INPP4A: variants seen among roughly 807,000 people sequenced by gnomAD.
The protein encoded by INPP4A is inositol polyphosphate-4-phosphatase type I A.
A neutral mutation model predicts 119.8 loss-of-function variants in INPP4A; 33 were observed. That is an observed-to-expected ratio of 0.28 (90% CI 0.21 to 0.37). INPP4A has a LOEUF of 0.37. INPP4A is among the 10% of genes least tolerant of loss of function. The probability of loss-of-function intolerance (pLI) is 1.00; values close to 1 mark genes in which losing one functional copy is unlikely to be tolerated. For missense variants in INPP4A, 956 were observed against 1,289.9 expected (o/e 0.74, Z 3.97); for synonymous variants, 496 against 500.7 (o/e 0.99, Z 0.12).
chr2:98,492,852 G>C (rs1681120810), intron 1 of INPP4A, among the ~76,000 whole-genome samples: 1 of 152,216 alleles, frequency 6.6e-6, no homozygotes. Flanking sequence ...GGATCTTGCA[G>C]GCTATTGAGA....
chr2:98,465,869 G>C (rs1293294088), intron 1 of INPP4A, among the ~76,000 whole-genome samples: 1 of 152,106 alleles, frequency 6.6e-6, no homozygotes, highest in Non-Finnish European at 1.5e-5. Flanking sequence ...TACTTGAGCA[G>C]ACGGTGGCTT....
At chr2:98,538,510 C>G (rs1690750832) in intron 8 of INPP4A, among the ~76,000 whole-genome samples, 1 of 152,192 alleles carries the variant, frequency 6.6e-6, no homozygotes, top group Admixed American at 6.5e-5. Flanking sequence ...AATTTCAGAG[C>G]CCTAGCGCTG....
chr2:98,539,857 C>A (rs1229941806), intron 10 of INPP4A, among the ~76,000 whole-genome samples, 182 bp downstream of exon 10: 12 of 152,182 alleles, frequency 7.9e-5, no homozygotes, highest in African/African-American at 2.7e-4. Context: ...ATCATGGATT[C>A]CTGTGCAAGG....
chr2:98,478,034 G>A lies in INPP4A; in HGVS notation c.-166+32949G>A, dbSNP rs551748416. On this transcript the variant is annotated intron_variant, in intron 1 of 24. Transcript: ENST00000409851. ...GGCCTACAACCTACTGTTATTGTGC[G>A]GTGCTGGTCTCCAAACTCCAGGTCT... Among the ~76,000 whole-genome samples the A allele has an allele frequency of 7.2e-5, 11 of 152,324 alleles. No individual in the cohort carries two copies. In the East Asian group the frequency reaches 1.5e-3, roughly 21 times the overall value.
rs548549884 is a variant in INPP4A at position 98,544,047 on chromosome 2, A to G, written c.949+40A>G. The G allele has an allele frequency of 3.3e-3, 1,918 of 575,846 alleles. 1 individual carries two copies. The highest frequency in any genetic ancestry group is 3.7e-3 in the Non-Finnish European group (1,567 of 425,724). 35.7% of individuals were successfully genotyped at this position (575,846 alleles called of 1,614,324 possible). On this transcript the variant is annotated intron_variant, in intron 11 of 24. Coordinates refer to ENST00000409851, the MANE Select transcript of INPP4A (RefSeq NM_001134225.2). ...ATGCTGTCACCACACACGCGTGCGC[A>G]CACACACACACACACACTCTCACTC...
chr2:98,584,842 C>A (rs1053334476), intron 24 of INPP4A, among the ~76,000 whole-genome samples: 1 of 152,174 alleles, frequency 6.6e-6, no homozygotes, highest in Admixed American at 6.5e-5. Context: ...GTCACTAAGG[C>A]CTTTTACTCA....
Position 98,594,084 on chromosome 2 carries a change from C to T in INPP4A, c.*6476C>T, listed in dbSNP as rs1238824839. The T allele has an allele frequency of 6.6e-6, 1 of 152,200 alleles. No homozygotes were observed. Among genetic ancestry groups the T allele is most frequent in the Non-Finnish European group, 1.5e-5 (1 of 68,048 alleles). 9.4% of individuals were successfully genotyped at this position (152,200 alleles called of 1,614,324 possible). A position where few individuals can be genotyped will look rare whatever the true frequency, so the allele number is the denominator to read the frequency against. On this transcript the variant is annotated 3_prime_UTR_variant, in exon 25 of 25. Coordinates refer to ENST00000409851, the MANE Select transcript of INPP4A (RefSeq NM_001134225.2). The stretch of plus-strand genomic sequence containing the variant: ...GAACAAATGGTGGTTTTGTGGTGTT[C>T]AACTGAAATATTTCCTATTTCAGCA...
At chr2:98,522,023 C>G (rs1330450681) in intron 4 of INPP4A, among the ~76,000 whole-genome samples, 1 of 152,110 alleles carries the variant, frequency 6.6e-6, no homozygotes, top group Non-Finnish European at 1.5e-5. Flanking sequence ...CATGGTGGCT[C>G]AATCCTGTAA....
rs1559140514 is a variant in INPP4A at position 98,591,190 on chromosome 2, A to AT, written c.*3583dup. The AT allele has an allele frequency of 5.6e-6, 1 of 178,582 alleles. No individual in the cohort carries two copies. Among genetic ancestry groups the AT allele is most frequent in the East Asian group, 9.6e-5 (1 of 10,430 alleles). The allele number at this position is 178,582 out of a possible 1,614,324, so 11.1% of individuals were successfully genotyped here. ...CTGGCTTCACCATGGAAGGTGGGAC[A>AT]TATGGGACAGCCATGTCCTTGTGGG... is the stretch of plus-strand genomic sequence containing the variant. On this transcript the variant is annotated 3_prime_UTR_variant, in exon 25 of 25. Transcript: ENST00000409851.
Position 98,593,120 on chromosome 2 carries a change from C to T in INPP4A, c.*5512C>T, listed in dbSNP as rs962118698. On this transcript the variant is annotated 3_prime_UTR_variant, in exon 25 of 25. Transcript: ENST00000409851. Reference sequence around the variant, plus strand: ...TGAAAACACCCATACTCTAGATTCCCTCCACTGGAACCCTGTCTTTGCCAT... The same window carrying T: ...TGAAAACACCCATACTCTAGATTCCTTCCACTGGAACCCTGTCTTTGCCAT... 5.9e-5 allele frequency: 9 copies of T among 152,472 alleles called. No individual in the cohort carries two copies. The highest frequency in any genetic ancestry group is 2.2e-4 in the African/African-American group (9 of 41,592). 9.4% of individuals were successfully genotyped at this position (152,472 alleles called of 1,614,324 possible).
At chr2:98,489,057 G>T (rs1048338187) in intron 1 of INPP4A, among the ~76,000 whole-genome samples, 3 of 151,720 alleles carry the variant, frequency 2.0e-5, no homozygotes, top group African/African-American at 7.3e-5. Flanking sequence ...GCTCTGTGGG[G>T]TGATGATGGG....
intron 1 of INPP4A, among the ~76,000 whole-genome samples, chr2:98,469,725 A>C (rs1181500435): frequency 6.6e-6 from 1 of 151,656 alleles, no homozygotes; most frequent in Non-Finnish European, 1.5e-5. Context: ...AATCCCTTGA[A>C]CCTGGGAGGT....
At chr2:98,513,174 C>T (rs1298481631) in intron 1 of INPP4A, among the ~76,000 whole-genome samples, 1 of 152,150 alleles carries the variant, frequency 6.6e-6, no homozygotes, top group Non-Finnish European at 1.5e-5. Flanking sequence ...AGGCCCAACT[C>T]CTCCTGCATC....
intron 1 of INPP4A, among the ~76,000 whole-genome samples, chr2:98,463,463 G>A (rs753229948): frequency 6.6e-6 from 1 of 152,234 alleles, no homozygotes; most frequent in Non-Finnish European, 1.5e-5. Context: ...CAACGGCCTG[G>A]GCAGCACGTT....
intron 17 of INPP4A, among the ~76,000 whole-genome samples, chr2:98,560,795 G>A (rs1030230671): frequency 2.0e-5 from 3 of 152,238 alleles, no homozygotes; most frequent in South Asian, 2.1e-4. Context: ...GAGAGGGCTG[G>A]TGGCATGTGC....
intron 23 of INPP4A, among the ~76,000 whole-genome samples, chr2:98,573,530 G>C (rs963390357): frequency 6.6e-6 from 1 of 152,074 alleles, no homozygotes; most frequent in Non-Finnish European, 1.5e-5. Context: ...TGGCATTCCC[G>C]CTCCCTGCCT....
chr2:98,543,706 C>T (rs1198900952), intron 10 of INPP4A, among the ~76,000 whole-genome samples, 171 bp from the exon 11 acceptor site: 1 of 152,200 alleles, frequency 6.6e-6, no homozygotes, highest in Non-Finnish European at 1.5e-5. Flanking sequence ...GCTGTCTGTC[C>T]TCTCCTCCAA....
At chr2:98,451,004 C>T (rs1695125658) in intron 1 of INPP4A, among the ~76,000 whole-genome samples, 1 of 152,232 alleles carries the variant, frequency 6.6e-6, no homozygotes, top group African/African-American at 2.4e-5. Context: ...CTCCTCACCT[C>T]AGGTGATCCA....
At chr2:98,510,543 C>G (rs1197488450) in intron 1 of INPP4A, among the ~76,000 whole-genome samples, 1 of 152,210 alleles carries the variant, frequency 6.6e-6, no homozygotes, top group African/African-American at 2.4e-5. Flanking sequence ...TGCTGAGGGC[C>G]TTCTTGCCAT....
Sources: gnomAD v4.1 joint callset for allele counts (sites outside exome capture counted in the v4.1 genomes callset) on GRCh38, gnomAD v4.1.1 for gene constraint, MANE v1.5 for transcripts, NCBI Gene and HGNC (gene_info 2026-07-23, HGNC 2026-07-21) for gene names.